ATP2B4: variants seen among roughly 807,000 people sequenced by gnomAD.
ATP2B4 encodes ATPase plasma membrane Ca2+ transporting 4.
Under a neutral mutation model 110.3 loss-of-function variants are expected in ATP2B4, and 39 were observed. The observed-to-expected ratio is 0.35, with a 90% CI of 0.27 to 0.46. The LOEUF (loss-of-function observed/expected upper bound fraction) is 0.46. Among genes scored for constraint, ATP2B4 ranks in the 20% least tolerant of loss-of-function variants. ATP2B4 has a pLI of 1.00. For synonymous variants in ATP2B4, 538 were observed against 571.7 expected, an observed-to-expected ratio of 0.94 and a Z score of 0.84; for missense variants, 1,135 against 1,530.9, an observed-to-expected ratio of 0.74 and a Z score of 4.32.
chr1:203,737,950 T>C (rs1558059671), intron 20 of ATP2B4, among the ~76,000 whole-genome samples: 1 of 152,158 alleles, frequency 6.6e-6, no homozygotes, highest in Non-Finnish European at 1.5e-5. Context: ...TTATGAAGGT[T>C]CTGTATGGTG....
chr1:203,716,483 A>G lies in ATP2B4; in HGVS notation c.2406+2206A>G, dbSNP rs143428546. Among the ~76,000 whole-genome samples the G allele has an allele frequency of 2.0e-3, 297 of 145,420 alleles. 31 individuals carry two copies. The highest frequency in any genetic ancestry group is 7.0e-3 in the African/African-American group (279 of 39,944). ...GGAAAGCAAATGTTCAATGTAAACC[A>G]CATTGTTCGGACACAGTCTAGACAC... is the stretch of plus-strand genomic sequence containing the variant. On this transcript the variant is annotated intron_variant, in intron 15 of 20. Transcript: ENST00000357681.
chr1:203,717,710 C>T (rs993461871), intron 15 of ATP2B4, among the ~76,000 whole-genome samples: 2 of 151,206 alleles, frequency 1.3e-5, no homozygotes, highest in Non-Finnish European at 2.9e-5. Context: ...GGGGCAGTCT[C>T]GGCTCACTGC....
At chr1:203,667,415 T>C (rs1328018116) in intron 1 of ATP2B4, among the ~76,000 whole-genome samples, 1 of 152,242 alleles carries the variant, frequency 6.6e-6, no homozygotes, top group Non-Finnish European at 1.5e-5. Flanking sequence ...GCTGGCAGTC[T>C]GGAGTAAGGT....
intron 20 of ATP2B4, among the ~76,000 whole-genome samples, chr1:203,728,463 G>C (rs930392798): frequency 6.6e-6 from 1 of 152,208 alleles, no homozygotes; most frequent in Non-Finnish European, 1.5e-5. Flanking sequence ...AAGATCTCAA[G>C]GGTGGTCTCC....
At chr1:203,722,714 C>A in intron 18 of ATP2B4, 25 bp downstream of exon 18, 2 of 1,608,966 alleles carry the variant, frequency 1.2e-6, no homozygotes, top group Non-Finnish European at 1.7e-6. Context: ...GCAGTTGGGG[C>A]AGGAGATCTG....
chr1:203,664,281 G>C (rs1664436986), intron 1 of ATP2B4, among the ~76,000 whole-genome samples: 1 of 152,154 alleles, frequency 6.6e-6, no homozygotes, highest in African/African-American at 2.4e-5. Context: ...TGGGAATGGG[G>C]AGTACCAATG....
intron 2 of ATP2B4, among the ~76,000 whole-genome samples, chr1:203,695,786 A>G (rs1482351534): frequency 7.3e-6 from 1 of 137,876 alleles, no homozygotes; most frequent in Non-Finnish European, 1.5e-5. Flanking sequence ...TTTTTGTTTT[A>G]TAGGATAGGG....
chr1:203,636,725 A>G (rs1663450508), intron 1 of ATP2B4, among the ~76,000 whole-genome samples: 1 of 152,200 alleles, frequency 6.6e-6, no homozygotes, highest in Non-Finnish European at 1.5e-5. Context: ...CATGAAACCA[A>G]GTTTGGACAT....
chr1:203,629,078 A>G lies in ATP2B4; in HGVS notation c.-465+1859A>G, dbSNP rs1297490726. On this transcript the variant is annotated intron_variant, in intron 1 of 20. Transcript: ENST00000357681. This position sits in a 1 kb window ranked among gnomAD's most constrained non-coding sequence, Gnocchi z 4.6. ...ACACTGCGGGAGAAGGAAGTAAAAC[A>G]CTTAGAGGAGAGCTCATCTCGGGGC... 6.6e-6 allele frequency among the ~76,000 whole-genome samples: 1 copy of G among 152,254 alleles called. No individual in the cohort carries two copies. The highest frequency in any genetic ancestry group is 1.9e-4 in the East Asian group (1 of 5,162).
intron 7 of ATP2B4, among the ~76,000 whole-genome samples, chr1:203,702,547 G>C (rs1189041183): frequency 6.6e-6 from 1 of 152,114 alleles, no homozygotes; most frequent in South Asian, 2.1e-4. Flanking sequence ...GTCTTCTCAG[G>C]GGTGCTTGGA....
chr1:203,659,893 C>A (rs993194312), intron 1 of ATP2B4, among the ~76,000 whole-genome samples: 1 of 151,866 alleles, frequency 6.6e-6, no homozygotes, highest in Non-Finnish European at 1.5e-5. Context: ...ATCAGCCTGG[C>A]CAAAATGGTG....
Position 203,709,462 on chromosome 1 carries a change from G to A in ATP2B4, c.1719G>A (p.Lys573=), listed in dbSNP as rs763831479. The A allele has an allele frequency of 5.0e-6, 8 of 1,614,210 alleles. No individual in the cohort carries two copies. In the South Asian group the frequency reaches 7.7e-5, roughly 16 times the overall value. Residue 573 remains lysine (K), a synonymous_variant, in exon 11 of 21, where the codon AAG becomes AAA. Coordinates refer to ENST00000357681, the MANE Select transcript of ATP2B4 (RefSeq NM_001684.5). The part of the protein sequence containing the change: ...YKVYTFNSVR[K]SMSTVIRNPN... Reference sequence around the variant, plus strand: ...TGTACACCTTTAACTCAGTGCGCAAGTCAATGAGCACCGTCATCAGGAATC... The same window carrying A: ...TGTACACCTTTAACTCAGTGCGCAAATCAATGAGCACCGTCATCAGGAATC...
intron 20 of ATP2B4, chr1:203,733,637 G>T: frequency 2.3e-6 from 1 of 441,144 alleles, no homozygotes; most frequent in South Asian, 5.6e-5. Context: ...CAATAATTCT[G>T]TTTTCTGATT....
At chr1:203,697,938 T>G (rs1207406703) in intron 2 of ATP2B4, among the ~76,000 whole-genome samples, 1 of 151,970 alleles carries the variant, frequency 6.6e-6, no homozygotes, top group Non-Finnish European at 1.5e-5. Flanking sequence ...CTCCTAAACA[T>G]AAGCAATTCA....
At chr1:203,717,959 AC>A (rs1438478655) in intron 15 of ATP2B4, among the ~76,000 whole-genome samples, 2 of 151,964 alleles carry the variant, frequency 1.3e-5, no homozygotes, top group African/African-American at 4.8e-5. Context: ...CGGCCTCCCA[AC>A]ACTTTGGGAG....
intron 1 of ATP2B4, among the ~76,000 whole-genome samples, chr1:203,673,541 T>C (rs111473695): frequency 6.6e-6 from 1 of 152,324 alleles, no homozygotes; most frequent in African/African-American, 2.4e-5. Flanking sequence ...TGCCTGTGAC[T>C]TCCAGGAAAT....
At chr1:203,693,503 G>A (rs1665444700) in intron 2 of ATP2B4, among the ~76,000 whole-genome samples, 1 of 152,188 alleles carries the variant, frequency 6.6e-6, no homozygotes, top group African/African-American at 2.4e-5. Context: ...AAGCAAGCAA[G>A]TGACTTTGAG....
intron 1 of ATP2B4, among the ~76,000 whole-genome samples, chr1:203,654,855 C>T (rs943879622): frequency 6.7e-6 from 1 of 149,806 alleles, no homozygotes; most frequent in Non-Finnish European, 1.5e-5. Context: ...CCACTGCACT[C>T]CAGCCTGGGT....
intron 1 of ATP2B4, among the ~76,000 whole-genome samples, chr1:203,681,063 A>G (rs561626948): frequency 6.6e-6 from 1 of 152,288 alleles, no homozygotes; most frequent in South Asian, 2.1e-4. Flanking sequence ...ACCAGTCTGA[A>G]TGAAGGGAGT....
Sources: gnomAD v4.1 joint callset for allele counts (sites outside exome capture counted in the v4.1 genomes callset) on GRCh38, gnomAD v4.1.1 for gene constraint, Gnocchi (gnomAD v3.1) non-coding constraint, MANE v1.5 for transcripts, NCBI Gene and HGNC (gene_info 2026-07-23, HGNC 2026-07-21) for gene names.